Variants in GOSR1 observed in about 807,000 individuals in gnomAD.
GOSR1 encodes the protein 28 kDa Golgi SNARE protein.
Under a neutral mutation model 35.5 loss-of-function variants are expected in GOSR1, and 21 were observed. That is an observed-to-expected ratio of 0.59 (90% CI 0.42 to 0.85). The LOEUF is 0.85. Ranked by LOEUF, GOSR1 falls within the 40% of genes least tolerant of loss-of-function variation. The probability of loss-of-function intolerance (pLI) is 0.00; values close to 1 mark genes in which losing one functional copy is unlikely to be tolerated. For synonymous variants in GOSR1, 94 were observed against 106.6 expected, an observed-to-expected ratio of 0.88 and a Z score of 0.73; for missense variants, 285 against 309.6, an observed-to-expected ratio of 0.92 and a Z score of 0.60.
In GOSR1 at chr17:30,484,748, A is replaced by G; in HGVS notation, c.320A>G (p.Gln107Arg). 6.4e-7 allele frequency: 1 copy of G among 1,573,596 alleles called. No homozygotes were observed. Among genetic ancestry groups the G allele is most frequent in the Non-Finnish European group, 8.7e-7 (1 of 1,143,410 alleles). ...AATGCAGCCCTGATGCATACATTAC[A>G]GCGGCATAGAGACATATTGCAGGTA... ...SLNAALMHTL[Q>R]RHRDILQDYT... The change falls in exon 4 of 9, where the codon CAG becomes CGG. Residue 107 changes from glutamine (Q) to arginine (R), a missense_variant. Around this residue, in one of 3 missense-constraint regions of GOSR1, gnomAD observed 168 missense variants for 183.2 expected, o/e 0.92. Transcript: ENST00000451249.
intron 6 of GOSR1, among the ~76,000 whole-genome samples, chr17:30,510,130 G>A (rs1249567627): frequency 6.6e-6 from 1 of 152,130 alleles, no homozygotes; most frequent in Admixed American, 6.5e-5. Context: ...GAGTGCAGTG[G>A]CATGATGATT....
chr17:30,517,591 A>ATTT (rs569883459), intron 7 of GOSR1, among the ~76,000 whole-genome samples: 16 of 144,300 alleles, frequency 1.1e-4, no homozygotes, highest in African/African-American at 4.0e-4. Context: ...GTTTTGGGGG[A>ATTT]TTTTTTTTTT....
chr17:30,517,526 A>G (rs1967866888), intron 7 of GOSR1, among the ~76,000 whole-genome samples: 1 of 152,162 alleles, frequency 6.6e-6, no homozygotes, highest in Non-Finnish European at 1.5e-5. Context: ...ATCCTTTTTA[A>G]TAACCAAAGT....
intron 7 of GOSR1, among the ~76,000 whole-genome samples, chr17:30,513,075 T>C (rs1967669966): frequency 6.6e-6 from 1 of 151,898 alleles, no homozygotes; most frequent in Non-Finnish European, 1.5e-5. Flanking sequence ...TGATTTCTTA[T>C]GAAGAATATA....
intron 6 of GOSR1, among the ~76,000 whole-genome samples, chr17:30,505,317 T>G (rs570262524): frequency 2.0e-5 from 3 of 152,282 alleles, no homozygotes; most frequent in African/African-American, 7.2e-5. Context: ...GGAGGATTGC[T>G]TGAAGCCCAG....
intron 5 of GOSR1, among the ~76,000 whole-genome samples, chr17:30,492,422 T>TG (rs1275755904): frequency 1.3e-5 from 2 of 152,246 alleles, no homozygotes; most frequent in Non-Finnish European, 2.9e-5. Flanking sequence ...TTTTGGTTGT[T>TG]TGTTTCAGAA....
At chr17:30,485,163 A>G (rs1044477672) in intron 4 of GOSR1, 2 of 265,748 alleles carry the variant, frequency 7.5e-6, no homozygotes, top group Non-Finnish European at 1.5e-5. Flanking sequence ...TACTTAGTAT[A>G]TTGTTTAAGA....
At chr17:30,515,044 G>A (rs1967749077) in intron 7 of GOSR1, among the ~76,000 whole-genome samples, 1 of 152,066 alleles carries the variant, frequency 6.6e-6, no homozygotes, top group Non-Finnish European at 1.5e-5. Context: ...TGTTTGCTGG[G>A]TGGTTTATTT....
intron 7 of GOSR1, among the ~76,000 whole-genome samples, chr17:30,512,055 T>A (rs1435303218): frequency 6.6e-6 from 1 of 152,226 alleles, no homozygotes; most frequent in Non-Finnish European, 1.5e-5. Context: ...AACAGAGCTC[T>A]ATTTAAACCA....
In GOSR1 at chr17:30,510,916, A is replaced by G. The variant is rs984206884; in HGVS notation, c.539+7A>G. The G allele has an allele frequency of 3.3e-6, 5 of 1,531,684 alleles. No homozygotes were observed. The highest frequency in any genetic ancestry group is 4.5e-6 in the Non-Finnish European group (5 of 1,108,496). The allele number at this position is 1,531,684 out of a possible 1,614,324, so 94.9% of individuals were successfully genotyped here. Reference sequence around the variant, plus strand: ...TGATAGAAGAGACAATAAGGTAGGAATAAGTTTTTGTTTTGCTTTGTTGGT... The same window carrying G: ...TGATAGAAGAGACAATAAGGTAGGAGTAAGTTTTTGTTTTGCTTTGTTGGT... On this transcript the variant is annotated splice_region_variant and intron_variant, in intron 7 of 8. Coordinates refer to ENST00000451249, the MANE Select transcript of GOSR1 (RefSeq NM_001007025.2).
In GOSR1 at chr17:30,522,994, G is replaced by C. The variant is rs972658528; in HGVS notation, c.*616G>C. On this transcript the variant is annotated 3_prime_UTR_variant, in exon 9 of 9. Transcript: ENST00000451249. ...CCACGCCTGACTGCCTCGGCCTCCC[G>C]AGGTGCCGGGATTGCAGACGGAGTC... is the stretch of plus-strand genomic sequence containing the variant. 4.8e-6 allele frequency: 1 copy of C among 208,274 alleles called. No homozygotes were observed. Among genetic ancestry groups the C allele is most frequent in the African/African-American group, 2.4e-5 (1 of 41,986 alleles). 12.9% of individuals were successfully genotyped at this position (208,274 alleles called of 1,614,324 possible). A position where few individuals can be genotyped will look rare whatever the true frequency, so the allele number is the denominator to read the frequency against.
At position 30,484,773 on chromosome 17, in the gene GOSR1, A is replaced by G. The variant is rs544671417; in HGVS notation, c.342+3A>G. 3 of 1,472,434 alleles carry G rather than the reference A, an allele frequency of 2.0e-6. No homozygotes were observed. The East Asian group carries it at 6.8e-5, about 33-fold the overall frequency. The allele number at this position is 1,472,434 out of a possible 1,614,324, so 91.2% of individuals were successfully genotyped here. ...AGCGGCATAGAGACATATTGCAGGT[A>G]ATATATTGGGCTCGAGATGTTTTCA... On this transcript the variant is annotated splice_donor_region_variant and intron_variant, in intron 4 of 8. Transcript: ENST00000451249.
chr17:30,510,942 TTTTG>T (rs770863835), intron 7 of GOSR1, 33 bp downstream of exon 7: 23 of 1,345,352 alleles, frequency 1.7e-5, no homozygotes, highest in East Asian at 6.9e-5. Context: ...CTTTGTTGGT[TTTTG>T]TTTGTTTGCA....
intron 6 of GOSR1, among the ~76,000 whole-genome samples, chr17:30,502,383 T>G (rs1967242700): frequency 2.0e-5 from 3 of 152,216 alleles, no homozygotes; most frequent in Admixed American, 1.3e-4. Context: ...GTAACACATG[T>G]GGCACACTAA....
Position 30,522,441 on chromosome 17 carries a change from C to T in GOSR1, c.*63C>T, listed in dbSNP as rs73987934. 8.3e-4 allele frequency: 1,135 copies of T among 1,366,794 alleles called. 7 individuals are homozygous for T. The African/African-American group carries it at 0.015, about 17-fold the overall frequency. 84.7% of individuals were successfully genotyped at this position (1,366,794 alleles called of 1,614,324 possible). On this transcript the variant is annotated 3_prime_UTR_variant, in exon 9 of 9. Coordinates refer to ENST00000451249, the MANE Select transcript of GOSR1 (RefSeq NM_001007025.2). ...CACACCCTGGTCTGGAATAAGGAAA[C>T]ATCGGAGGGAGAAGTTGACTGTCTT... is the stretch of plus-strand genomic sequence containing the variant.
rs987554676 is a variant in GOSR1, at chr17:30,500,955, A to G, written c.509+8202A>G. ...GAGTGCAGTGGCGGGATCTCGGCTC[A>G]CTGCAAGCTCCGCCTCCCGGGTTCA... is the stretch of plus-strand genomic sequence containing the variant. On this transcript the variant is annotated intron_variant, in intron 6 of 8. Coordinates refer to ENST00000451249, the MANE Select transcript of GOSR1 (RefSeq NM_001007025.2). Among the ~76,000 whole-genome samples, 6 of 146,192 alleles carry G rather than the reference A, an allele frequency of 4.1e-5. No homozygotes were observed. In the East Asian group the frequency reaches 8.0e-4, roughly 20 times the overall value.
chr17:30,500,188 G>A (rs1051282741), intron 6 of GOSR1, among the ~76,000 whole-genome samples: 1 of 152,048 alleles, frequency 6.6e-6, no homozygotes, highest in Admixed American at 6.6e-5. Flanking sequence ...GATGAAATCT[G>A]GTTGATCAGT....
At chr17:30,477,620 G>T in intron 1 of GOSR1, 156 bp downstream of exon 1, 1 of 1,393,374 alleles carries the variant, frequency 7.2e-7, no homozygotes, top group Non-Finnish European at 9.4e-7. Flanking sequence ...GGGCCTTGGG[G>T]ATACCGAACG....
intron 1 of GOSR1, 145 bp downstream of exon 1, chr17:30,477,609 G>C: frequency 1.5e-6 from 2 of 1,375,840 alleles, no homozygotes; most frequent in Admixed American, 3.1e-5. Context: ...TGGGATCCCC[G>C]GGGCCTTGGG....
Sources: gnomAD v4.1 joint callset for allele counts (sites outside exome capture counted in the v4.1 genomes callset) on GRCh38, gnomAD v4.1.1 for gene constraint, gnomAD v4.1.1 regional missense constraint, MANE v1.5 for transcripts, NCBI Gene and HGNC (gene_info 2026-07-23, HGNC 2026-07-21) for gene names.